DNAH8: variants seen among roughly 807,000 people sequenced by gnomAD.
The protein encoded by DNAH8 is axonemal beta dynein heavy chain 8.
Under a neutral mutation model 562.1 loss-of-function variants are expected in DNAH8, and 382 were observed. That is an observed-to-expected ratio of 0.68 (90% CI 0.63 to 0.74). The LOEUF (loss-of-function observed/expected upper bound fraction) is 0.74. Among genes scored for constraint, DNAH8 ranks in the 30% least tolerant of loss-of-function variants. The pLI, the probability that DNAH8 is intolerant of heterozygous loss-of-function variation, is 0.00. For synonymous variants in DNAH8, 1,881 were observed against 1,919.4 expected (o/e 0.98, Z 0.52); for missense variants, 5,203 against 5,620.4 (o/e 0.93, Z 2.37).
At chr6:38,900,865 C>T (rs946478417) in intron 62 of DNAH8, among the ~76,000 whole-genome samples, 3 of 152,158 alleles carry the variant, frequency 2.0e-5, no homozygotes, top group African/African-American at 7.2e-5. Flanking sequence ...GATCAACCCG[C>T]GTCGGCCTCC....
chr6:38,945,045 A>G (rs890431942), intron 79 of DNAH8, among the ~76,000 whole-genome samples: 3 of 151,886 alleles, frequency 2.0e-5, no homozygotes, highest in African/African-American at 7.3e-5. Flanking sequence ...GTCTTTATCT[A>G]TCTGTTTGAC....
chr6:39,016,051 A>G (rs991172919), intron 91 of DNAH8, among the ~76,000 whole-genome samples: 6 of 152,226 alleles, frequency 3.9e-5, no homozygotes, highest in Non-Finnish European at 8.8e-5. Flanking sequence ...AATAAAGATT[A>G]CAGCTACTCC....
At chr6:38,937,044 G>A (rs1783030131) in intron 77 of DNAH8, among the ~76,000 whole-genome samples, 1 of 152,132 alleles carries the variant, frequency 6.6e-6, no homozygotes, top group African/African-American at 2.4e-5. Flanking sequence ...ATGAGTTCAT[G>A]TCCTTTGCAG....
At chr6:38,940,536 C>T (rs1783359310) in intron 79 of DNAH8, among the ~76,000 whole-genome samples, 1 of 152,180 alleles carries the variant, frequency 6.6e-6, no homozygotes, top group African/African-American at 2.4e-5. Context: ...TGTTACCTCT[C>T]CAACGTGCTG....
intron 71 of DNAH8, among the ~76,000 whole-genome samples, chr6:38,922,067 G>T (rs547903524): frequency 3.4e-4 from 23 of 67,260 alleles, no homozygotes; most frequent in African/African-American, 7.6e-4. Flanking sequence ...CACTTCTTTT[G>T]TGGTGGAATG....
At chr6:38,905,599 A>G (rs1007968735) in intron 62 of DNAH8, among the ~76,000 whole-genome samples, 8 of 152,318 alleles carry the variant, frequency 5.3e-5, no homozygotes, top group Admixed American at 3.3e-4. Context: ...TATTATATAT[A>G]TATTTACTCG....
At chr6:38,951,956 T>C (rs1443318189) in intron 82 of DNAH8, among the ~76,000 whole-genome samples, 1 of 152,230 alleles carries the variant, frequency 6.6e-6, no homozygotes, top group Non-Finnish European at 1.5e-5. Flanking sequence ...TTTCACTTAA[T>C]AACCATTCAG....
At chr6:38,944,543 G>A (rs1333940475) in intron 79 of DNAH8, among the ~76,000 whole-genome samples, 1 of 152,238 alleles carries the variant, frequency 6.6e-6, no homozygotes, top group African/African-American at 2.4e-5. Context: ...TTAAACAACA[G>A]TGGAGCTGGA....
rs375455553 is a variant in DNAH8, at chr6:39,030,106, A to G, written c.13838A>G (p.Glu4613Gly). 1 of 1,610,050 alleles carries G rather than the reference A, an allele frequency of 6.2e-7. No individual in the cohort carries two copies. Among genetic ancestry groups the G allele is most frequent in the Non-Finnish European group, 8.5e-7 (1 of 1,177,248 alleles). The change falls in exon 93 of 93, where the codon GAA (glutamate) becomes GGA (glycine). Residue 4613 changes from glutamate (E) to glycine (G), a missense_variant and splice_region_variant. Coordinates refer to ENST00000327475, the MANE Select transcript of DNAH8 (RefSeq NM_001206927.2). ...TKEEITSPPG[E>G]GVYIYGLYMD... ...TTACCTTATGCTTGACTCTTCCAGG[A>G]AGGTGTGTATATTTATGGGCTCTAC... is the stretch of plus-strand genomic sequence containing the variant.
At chr6:38,753,070 T>C (rs1402090437) in intron 9 of DNAH8, among the ~76,000 whole-genome samples, 1 of 152,112 alleles carries the variant, frequency 6.6e-6, no homozygotes, top group Non-Finnish European at 1.5e-5. Flanking sequence ...GTTTTTCAGC[T>C]CACACCTCTC....
intron 60 of DNAH8, 137 bp from the exon 61 acceptor site, chr6:38,898,121 A>G: frequency 1.3e-6 from 1 of 790,654 alleles, no homozygotes; most frequent in Middle Eastern, 3.8e-4. Context: ...CTAATACGTG[A>G]GAAACCTCTG....
chr6:38,937,984 A>C lies in DNAH8; in HGVS notation c.11574A>C (p.Val3858=). The change falls in exon 78 of 93, where the codon GTA becomes GTC. Residue 3858 remains valine (V), a synonymous_variant. Transcript: ENST00000327475. ...YKLSATKGSL[V]DDESLIGVLR... is the part of the protein sequence containing the mutation. ...TGTTTTGAATTTCAGGCTCATTGGT[A>C]GATGACGAATCTCTCATTGGTGTAC... The C allele has an allele frequency of 6.2e-7, 1 of 1,613,524 alleles. No homozygotes were observed. Among genetic ancestry groups the C allele is most frequent in the African/African-American group, 1.3e-5 (1 of 74,788 alleles).
At position 38,896,146 on chromosome 6, in the gene DNAH8, A is replaced by C; in HGVS notation, c.8861A>C (p.Asp2954Ala). 4 of 1,613,972 alleles carry C rather than the reference A, an allele frequency of 2.5e-6. No homozygotes were observed. Among genetic ancestry groups the C allele is most frequent in the Non-Finnish European group, 3.4e-6 (4 of 1,179,942 alleles). Residue 2954 changes from aspartate (D) to alanine (A), a missense_variant, in exon 60 of 93, where the codon GAT (aspartate) becomes GCT (alanine). Physicochemically the swap from Asp to Ala is moderately radical, Grantham distance 126 (BLOSUM62 -2). Coordinates refer to ENST00000327475, the MANE Select transcript of DNAH8 (RefSeq NM_001206927.2). Reference protein sequence around the residue: ...SCILPEPYFVDFLREMPEPTG... With the variant: ...SCILPEPYFVAFLREMPEPTG... Reference sequence around the variant, plus strand: ...ATTCTTCCTGAACCATACTTTGTGGATTTTCTTCGTGAGATGCCAGAACCA... The same window carrying C: ...ATTCTTCCTGAACCATACTTTGTGGCTTTTCTTCGTGAGATGCCAGAACCA...
intron 23 of DNAH8, among the ~76,000 whole-genome samples, chr6:38,806,544 C>T (rs1423243774): frequency 6.6e-6 from 1 of 152,082 alleles, no homozygotes; most frequent in Non-Finnish European, 1.5e-5. Flanking sequence ...GACTGAGTAC[C>T]CTCAGAACCT....
rs750022918 is a variant in DNAH8 at position 38,951,364 on chromosome 6, G to A, written c.12295G>A (p.Ala4099Thr). 2 of 1,614,132 alleles carry A rather than the reference G, an allele frequency of 1.2e-6. No homozygotes were observed. The highest frequency in any genetic ancestry group is 3.3e-5 in the Admixed American group (2 of 60,030). ...RTVFQARKYIADSLEEKYTEP... is the reference protein window; with the variant it reads ...RTVFQARKYITDSLEEKYTEP... Reference sequence around the variant, plus strand: ...TGTTTTTCAAGCAAGAAAGTATATTGCAGATTCTTTGGAGGAGAAGTACAC... The same window carrying A: ...TGTTTTTCAAGCAAGAAAGTATATTACAGATTCTTTGGAGGAGAAGTACAC... Residue 4099 changes from alanine (A) to threonine (T), a missense_variant, in exon 82 of 93, where the codon GCA becomes ACA. Around this residue, in one of 6 missense-constraint regions of DNAH8, gnomAD observed 1,399 missense variants for 1,518.4 expected, o/e 0.92. Coordinates refer to ENST00000327475, the MANE Select transcript of DNAH8 (RefSeq NM_001206927.2).
In DNAH8 at chr6:38,853,236, T is replaced by G; in HGVS notation, c.5622T>G (p.Asp1874Glu). ...AKGPVEIWLL[D>E]LLKMQMSSLH... ...GTCCTGTGGAGATTTGGCTACTGGA[T>G]TTGTTAAAAATGCAGATGTCATCAT... Residue 1874 changes from aspartate to glutamate, a missense_variant, in exon 41 of 93, where the codon GAT (aspartate) becomes GAG (glutamate). Transcript: ENST00000327475. The G allele has an allele frequency of 1.9e-6, 3 of 1,613,364 alleles. No homozygotes were observed. The highest frequency in any genetic ancestry group is 2.5e-6 in the Non-Finnish European group (3 of 1,179,726).
chr6:38,844,939 G>A (rs1775161543), intron 35 of DNAH8, among the ~76,000 whole-genome samples: 1 of 152,154 alleles, frequency 6.6e-6, no homozygotes, highest in Admixed American at 6.6e-5. Flanking sequence ...TTTGTGTTAA[G>A]ATCATTTGTG....
At position 38,892,833 on chromosome 6, in the gene DNAH8, G is replaced by A. The variant is rs143957875; in HGVS notation, c.8584-1868G>A. The stretch of plus-strand genomic sequence containing the variant: ...TGCCACCAACCTGCTCCAGCCGATG[G>A]CCCTGCTCACCATTCCTTGAGTACC... On this transcript the variant is annotated intron_variant, in intron 58 of 92. Transcript: ENST00000327475. 5.1e-3 allele frequency among the ~76,000 whole-genome samples: 782 copies of A among 152,194 alleles called. 5 individuals carry two copies. The highest frequency in any genetic ancestry group is 0.037 in the Middle Eastern group (11 of 294).
At chr6:38,778,865 C>T (rs1213940452) in intron 14 of DNAH8, among the ~76,000 whole-genome samples, 1 of 152,170 alleles carries the variant, frequency 6.6e-6, no homozygotes, top group African/African-American at 2.4e-5. Flanking sequence ...ATTTTCCCTC[C>T]TGAGGGCTCC....
Sources: gnomAD v4.1 joint callset for allele counts (sites outside exome capture counted in the v4.1 genomes callset) on GRCh38, gnomAD v4.1.1 for gene constraint, gnomAD v4.1.1 regional missense constraint, MANE v1.5 for transcripts, NCBI Gene and HGNC (gene_info 2026-07-23, HGNC 2026-07-21) for gene names.